Variants in KCNIP4 observed in about 807,000 individuals in gnomAD.
The protein encoded by KCNIP4 is Kv channel-interacting protein 4.
A neutral mutation model predicts 34.0 loss-of-function variants in KCNIP4; 12 were observed. That is an observed-to-expected ratio of 0.35 (90% CI 0.23 to 0.57). The LOEUF is 0.57. KCNIP4 is among the 20% of genes least tolerant of loss of function. The pLI is 0.83. For missense variants in KCNIP4, 238 were observed against 311.7 expected (o/e 0.76, Z 1.78); for synonymous variants, 124 against 102.2 (o/e 1.21, Z -1.29).
chr4:21,387,974 G>A (rs1416245041), intron 1 of KCNIP4, among the ~76,000 whole-genome samples: 2 of 152,010 alleles, frequency 1.3e-5, no homozygotes, highest in Non-Finnish European at 2.9e-5. Context: ...AGAGGGGAAT[G>A]AGTGGAGAGC....
At chr4:21,598,585 G>T (rs981421330) in intron 1 of KCNIP4, among the ~76,000 whole-genome samples, 1 of 152,048 alleles carries the variant, frequency 6.6e-6, no homozygotes, top group Non-Finnish European at 1.5e-5. Flanking sequence ...ATGATGGTGA[G>T]AAAGTCAACT....
intron 1 of KCNIP4, among the ~76,000 whole-genome samples, chr4:21,102,829 C>G (rs1375451336): frequency 6.6e-6 from 1 of 152,092 alleles, no homozygotes; most frequent in African/African-American, 2.4e-5. Flanking sequence ...GCAAAAGTCC[C>G]TCTGTGACAG....
chr4:21,682,317 C>T (rs940261054), intron 1 of KCNIP4, among the ~76,000 whole-genome samples: 10 of 152,114 alleles, frequency 6.6e-5, no homozygotes, highest in Non-Finnish European at 1.5e-4. Context: ...TTTCTCCCAC[C>T]TCCAACACTG....
At chr4:21,930,173 C>T (rs950485878) in intron 1 of KCNIP4, among the ~76,000 whole-genome samples, 1 of 152,122 alleles carries the variant, frequency 6.6e-6, no homozygotes, top group African/African-American at 2.4e-5. Flanking sequence ...CAGCCATATC[C>T]TCAAGGATTC....
At chr4:21,837,198 G>A (rs527288003) in intron 1 of KCNIP4, among the ~76,000 whole-genome samples, 12 of 150,002 alleles carry the variant, frequency 8.0e-5, no homozygotes, top group African/African-American at 1.5e-4. Context: ...AATTACAGGC[G>A]TGAGCCCCGC....
At chr4:21,770,675 T>C (rs947463640) in intron 1 of KCNIP4, among the ~76,000 whole-genome samples, 6 of 152,172 alleles carry the variant, frequency 3.9e-5, no homozygotes, top group African/African-American at 1.4e-4. Context: ...CGCATTGTGA[T>C]TTTGATTTGT....
intron 3 of KCNIP4, 84 bp from the exon 4 acceptor site, chr4:20,758,974 A>C: frequency 9.7e-7 from 1 of 1,032,220 alleles, no homozygotes; most frequent in Non-Finnish European, 1.5e-6. Context: ...AGAACTGTCT[A>C]CCATGCAAAG....
chr4:20,835,478 G>A (rs4444828), intron 3 of KCNIP4, among the ~76,000 whole-genome samples: 8,920 of 151,840 alleles, frequency 0.059, 382 homozygotes, highest in African/African-American at 0.11. Flanking sequence ...AACCTATTTC[G>A]TAGGGCTGCT....
chr4:21,565,875 C>T (rs1288002722), intron 1 of KCNIP4, among the ~76,000 whole-genome samples: 1 of 152,044 alleles, frequency 6.6e-6, no homozygotes, highest in Admixed American at 6.6e-5. Context: ...TTCTGCCAGA[C>T]CAAATCAAAG....
chr4:21,668,441 C>A (rs533950246), intron 1 of KCNIP4, among the ~76,000 whole-genome samples: 1 of 152,226 alleles, frequency 6.6e-6, no homozygotes, highest in South Asian at 2.1e-4. Flanking sequence ...GTGCTTCTTA[C>A]ATTTTTATGA....
chr4:21,136,831 G>C (rs921530040), intron 1 of KCNIP4, among the ~76,000 whole-genome samples: 1 of 152,092 alleles, frequency 6.6e-6, no homozygotes, highest in Non-Finnish European at 1.5e-5. Flanking sequence ...ATTAATTTCT[G>C]TCTTCTGTAG....
intron 1 of KCNIP4, among the ~76,000 whole-genome samples, chr4:21,662,126 T>C (rs993189853): frequency 2.6e-5 from 4 of 152,306 alleles, no homozygotes; most frequent in African/African-American, 9.6e-5. Flanking sequence ...GGGTATTTCA[T>C]ACACCCTGTG....
chr4:21,528,095 GA>G lies in KCNIP4; in HGVS notation c.61+420475del, dbSNP rs949466299. Among the ~76,000 whole-genome samples, 5 of 152,140 alleles carry G rather than the reference GA, an allele frequency of 3.3e-5. 1 individual carries two copies. Among genetic ancestry groups the G allele is most frequent in the African/African-American group, 1.2e-4 (5 of 41,426 alleles). Reference sequence around the variant, plus strand: ...AGGATTAATTTTATAAACGATTAATGAAAGTACTTAATTGAATGTCACTCTC... The same window carrying G: ...AGGATTAATTTTATAAACGATTAATGAAGTACTTAATTGAATGTCACTCTC... On this transcript the variant is annotated intron_variant, in intron 1 of 8. Transcript: ENST00000382152.
chr4:21,504,880 A>G (rs966915020), intron 1 of KCNIP4, among the ~76,000 whole-genome samples: 2 of 152,234 alleles, frequency 1.3e-5, no homozygotes, highest in African/African-American at 4.8e-5. Flanking sequence ...CTTAAAATCA[A>G]TAGAACAGTT....
chr4:21,227,266 G>C (rs534124732), intron 1 of KCNIP4, among the ~76,000 whole-genome samples: 4 of 152,238 alleles, frequency 2.6e-5, no homozygotes, highest in African/African-American at 4.8e-5. Context: ...AAGGACACCA[G>C]GTTGCTTATT....
chr4:21,729,483 G>A (rs1406655286), intron 1 of KCNIP4, among the ~76,000 whole-genome samples: 3 of 152,132 alleles, frequency 2.0e-5, no homozygotes, highest in Non-Finnish European at 4.4e-5. Flanking sequence ...AGACTTCTGT[G>A]ACGAGAATTT....
At chr4:21,142,917 T>C (rs1752076237) in intron 1 of KCNIP4, among the ~76,000 whole-genome samples, 1 of 152,170 alleles carries the variant, frequency 6.6e-6, no homozygotes, top group Admixed American at 6.5e-5. Context: ...TCTTACTATG[T>C]TTAGTTCATA....
chr4:21,413,562 C>T (rs1212961947), intron 1 of KCNIP4, among the ~76,000 whole-genome samples: 1 of 152,208 alleles, frequency 6.6e-6, no homozygotes, highest in Non-Finnish European at 1.5e-5. Context: ...TCATACAGCA[C>T]TCATCCCATT....
chr4:21,357,580 AC>A (rs1316588952), intron 1 of KCNIP4, among the ~76,000 whole-genome samples: 1 of 152,258 alleles, frequency 6.6e-6, no homozygotes, highest in Non-Finnish European at 1.5e-5. Context: ...GCTCATCATC[AC>A]TGGTCATCAG....
Sources: allele counts gnomAD v4.1 joint callset (sites outside exome capture counted in the v4.1 genomes callset), GRCh38; gene constraint gnomAD v4.1.1; transcripts MANE v1.5; gene names NCBI Gene and HGNC (gene_info 2026-07-23, HGNC 2026-07-21).